The following PCDHGA8 variants were observed in gnomAD, a reference collection of about 807,000 sequenced individuals.
PCDHGA8 encodes protocadherin gamma subfamily A, 8.
PCDHGA8 carries 45 observed loss-of-function variants against 59.2 expected under a neutral mutation model. The ratio of observed to expected loss-of-function variants is 0.76; its 90% CI spans 0.60 to 0.98. PCDHGA8 has a LOEUF of 0.98. Ranked by LOEUF, PCDHGA8 falls within the 50% of genes least tolerant of loss-of-function variation. The pLI, the probability that PCDHGA8 is intolerant of heterozygous loss-of-function variation, is 0.00. For missense variants in PCDHGA8, 1,257 were observed against 1,196.2 expected, an observed-to-expected ratio of 1.05 and a Z score of -0.75; for synonymous variants, 531 against 519.0, an observed-to-expected ratio of 1.02 and a Z score of -0.32.
At chr5:141,403,218 G>A in intron 1 of PCDHGA8, 1 of 1,613,968 alleles carries the variant, frequency 6.2e-7, no homozygotes. Flanking sequence ...ACCGCGGGTA[G>A]GATAGACCGG....
At position 141,489,097 on chromosome 5, in the gene PCDHGA8, C is replaced by A; in HGVS notation, c.2425-5710C>A. ...ACCCCCGCCACTCGGTGACTAAGAA[C>A]TGCTGCAAGCAGGCAAACCTCCGAG... On this transcript the variant is annotated intron_variant, in intron 1 of 3. Transcript: ENST00000398604. This position sits in a 1 kb window ranked among gnomAD's most constrained non-coding sequence, Gnocchi z 4.5. The A allele has an allele frequency of 2.6e-5, 8 of 313,358 alleles. No homozygotes were observed. Among genetic ancestry groups the A allele is most frequent in the Non-Finnish European group, 3.5e-5 (6 of 172,456 alleles). The allele number at this position is 313,358 out of a possible 1,614,324, so 19.4% of individuals were successfully genotyped here. A position where few individuals can be genotyped will look rare whatever the true frequency, so the allele number is the denominator to read the frequency against.
chr5:141,470,748 A>C (rs1163686396), intron 1 of PCDHGA8, among the ~76,000 whole-genome samples: 1 of 152,106 alleles, frequency 6.6e-6, no homozygotes. Flanking sequence ...CCCTGGCTGG[A>C]GTGCAGTGGA....
At position 141,476,418 on chromosome 5, in the gene PCDHGA8, T is replaced by C. The variant is rs201255025; in HGVS notation, c.2425-18389T>C. On this transcript the variant is annotated intron_variant, in intron 1 of 3. Transcript: ENST00000398604. This position sits in a 1 kb window ranked among gnomAD's most constrained non-coding sequence, Gnocchi z 7.6. The stretch of plus-strand genomic sequence containing the variant: ...GATCGAGAGGAGCTGTGTGGGACAC[T>C]GCCCTCTTGCACTGTAACTCTGGAG... 6.2e-7 allele frequency: 1 copy of C among 1,614,122 alleles called. No individual in the cohort carries two copies. Among genetic ancestry groups the C allele is most frequent in the Non-Finnish European group, 8.5e-7 (1 of 1,180,002 alleles).
intron 1 of PCDHGA8, chr5:141,396,761 A>G (rs2093430785): frequency 6.6e-6 from 1 of 152,352 alleles, no homozygotes; most frequent in African/African-American, 2.4e-5. Context: ...GACCCAATAA[A>G]TGTTTGTTAT....
intron 1 of PCDHGA8, among the ~76,000 whole-genome samples, chr5:141,463,861 A>G (rs1308802167): frequency 1.3e-5 from 2 of 152,340 alleles, no homozygotes; most frequent in East Asian, 1.9e-4. Context: ...ATCTGGTTTC[A>G]CATGACTGAA....
intron 1 of PCDHGA8, chr5:141,415,950 A>G (rs996935488): frequency 4.0e-6 from 2 of 498,646 alleles, no homozygotes; most frequent in Non-Finnish European, 6.1e-6. Flanking sequence ...GGGTGGTCAC[A>G]TATTGAAACT....
intron 1 of PCDHGA8, among the ~76,000 whole-genome samples, chr5:141,442,703 C>A (rs1405830887): frequency 6.6e-6 from 1 of 152,218 alleles, no homozygotes; most frequent in Admixed American, 6.5e-5. Flanking sequence ...ACAAGAGTAT[C>A]AGACATGCCA....
At chr5:141,478,559 A>T (rs938780510) in intron 1 of PCDHGA8, 1 of 1,599,454 alleles carries the variant, frequency 6.3e-7, no homozygotes, top group Non-Finnish European at 8.5e-7. Context: ...AAGGTTTAGC[A>T]AGTCATGCTT....
chr5:141,511,135 G>A lies in PCDHGA8; in HGVS notation c.2761G>A (p.Gly921Ser), dbSNP rs200541479. Residue 921 changes from glycine to serine, a missense_variant, in exon 4 of 4, where the codon GGC becomes AGC. Physicochemically the swap from Gly to Ser is moderately conservative, Grantham distance 56. Coordinates refer to ENST00000398604, the MANE Select transcript of PCDHGA8 (RefSeq NM_032088.2). The stretch of plus-strand genomic sequence containing the variant: ...TGGCAAGGCCCCAGCAGGTGGCAAT[G>A]GCAACAAGAAGAAGTCGGGCAAGAA... ...RDGKAPAGGN[G>S]NKKKSGKKEK... 2.8e-4 allele frequency: 448 copies of A among 1,614,188 alleles called. No homozygotes were observed. Among genetic ancestry groups the A allele is most frequent in the Non-Finnish European group, 3.0e-4 (352 of 1,180,016 alleles).
At chr5:141,410,319 C>A in intron 1 of PCDHGA8, 2 of 1,614,018 alleles carry the variant, frequency 1.2e-6, no homozygotes, top group Admixed American at 1.7e-5. Flanking sequence ...TTCCTCCTCG[C>A]CGTGATTCTG....
chr5:141,491,138 C>T lies in PCDHGA8; in HGVS notation c.2425-3669C>T. The T allele has an allele frequency of 1.2e-6, 2 of 1,614,106 alleles. No individual in the cohort carries two copies. The highest frequency in any genetic ancestry group is 1.7e-6 in the Non-Finnish European group (2 of 1,179,962). On this transcript the variant is annotated intron_variant, in intron 1 of 3. Transcript: ENST00000398604. The surrounding 1 kb of genome is among the most constrained non-coding windows in gnomAD (Gnocchi z 6.9). ...ACTGGTGAGGTGCGCACAGCCCGGG[C>T]CTTACTGGAGGATGACTCTGACACC...
chr5:141,421,402 G>A (rs2096569907), intron 1 of PCDHGA8: 1 of 1,614,076 alleles, frequency 6.2e-7, no homozygotes, highest in Non-Finnish European at 8.5e-7. Context: ...GGAGCCCCGG[G>A]AGCTGGCGAA....
At chr5:141,415,396 G>C (rs11575962) in intron 1 of PCDHGA8, 2 of 1,614,204 alleles carry the variant, frequency 1.2e-6, no homozygotes, top group Non-Finnish European at 1.7e-6. Flanking sequence ...AGGTGTGTCC[G>C]GCTCGCACTT....
At position 141,394,178 on chromosome 5, in the gene PCDHGA8, C is replaced by T. The variant is rs1180220826; in HGVS notation, c.1365C>T (p.Ala455=). 2 of 1,613,812 alleles carry T rather than the reference C, an allele frequency of 1.2e-6. No individual in the cohort carries two copies. The highest frequency in any genetic ancestry group is 2.2e-5 in the South Asian group (2 of 91,074). ...ACAACCCTCCTACTTTCCCTCATGC[C>T]TCCTACTCAGCGTATATCCTAGAGA... The part of the protein sequence containing the change: ...INDNPPTFPH[A]SYSAYILENN... Residue 455 remains alanine (A), a synonymous_variant, in exon 1 of 4, where the codon GCC becomes GCT. Transcript: ENST00000398604.
intron 1 of PCDHGA8, chr5:141,427,741 C>T (rs748636652): frequency 8.1e-7 from 1 of 1,240,376 alleles, no homozygotes; most frequent in Non-Finnish European, 1.2e-6. Context: ...GGCCAAGTCT[C>T]CTACTCCATC....
rs2092626800 is a variant in PCDHGA8 at position 141,392,914 on chromosome 5, C to G, written c.101C>G (p.Ser34Cys). The change falls in exon 1 of 4, where the codon TCT (serine) becomes TGT (cysteine). Residue 34 changes from serine to cysteine, a missense_variant. Physicochemically the swap from Ser to Cys is moderately radical, Grantham distance 112. Transcript: ENST00000398604. ...WEIGRGQIRYSVPEETDKGSF... is the reference protein window; with the variant it reads ...WEIGRGQIRYCVPEETDKGSF... ...ATCGGGAGGGGACAGATTCGCTACT[C>G]TGTGCCAGAAGAGACGGACAAAGGC... 6.2e-7 allele frequency: 1 copy of G among 1,613,786 alleles called. No homozygotes were observed.
intron 1 of PCDHGA8, among the ~76,000 whole-genome samples, chr5:141,468,946 C>G: frequency 7.0e-6 from 1 of 141,900 alleles, no homozygotes; most frequent in Non-Finnish European, 1.5e-5. Context: ...ATGGGGTAAA[C>G]CTGTGGTTTT....
Position 141,489,429 on chromosome 5 carries a change from G to A in PCDHGA8, c.2425-5378G>A. 1 of 1,614,140 alleles carries A rather than the reference G, an allele frequency of 6.2e-7. No individual in the cohort carries two copies. Among genetic ancestry groups the A allele is most frequent in the Non-Finnish European group, 8.5e-7 (1 of 1,180,036 alleles). ...AGATGACAGATCTGTTGAGCCGGCG[G>A]CTGCAATTGGGCTCTGAGGAGAATG... On this transcript the variant is annotated intron_variant, in intron 1 of 3. Transcript: ENST00000398604. The surrounding 1 kb of genome is among the most constrained non-coding windows in gnomAD (Gnocchi z 4.5).
chr5:141,423,750 T>TGGG lies in PCDHGA8; in HGVS notation c.2424+28521_2424+28523dup, dbSNP rs144521096. 4.7e-3 allele frequency: 1,348 copies of TGGG among 288,070 alleles called. 1 individual carries two copies. The highest frequency in any genetic ancestry group is 5.4e-3 in the Non-Finnish European group (1,192 of 221,408). 17.8% of individuals were successfully genotyped at this position (288,070 alleles called of 1,614,324 possible). A position where few individuals can be genotyped will look rare whatever the true frequency, so the allele number is the denominator to read the frequency against. ...TTTTGAGCCTGTTATGAAAACTGTT[T>TGGG]GGGGGGGGGGTGGGGCGGCATATAT... is the stretch of plus-strand genomic sequence containing the variant. On this transcript the variant is annotated intron_variant, in intron 1 of 3. Coordinates refer to ENST00000398604, the MANE Select transcript of PCDHGA8 (RefSeq NM_032088.2).
Sources: gnomAD v4.1 joint callset for allele counts (sites outside exome capture counted in the v4.1 genomes callset) on GRCh38, gnomAD v4.1.1 for gene constraint, Gnocchi (gnomAD v3.1) non-coding constraint, MANE v1.5 for transcripts, NCBI Gene and HGNC (gene_info 2026-07-23, HGNC 2026-07-21) for gene names.